RAPGEF4: variants seen among roughly 807,000 people sequenced by gnomAD.
RAPGEF4 encodes the protein RAP guanine-nucleotide-exchange factor (GEF) 4.
Under a neutral mutation model 147.9 loss-of-function variants are expected in RAPGEF4, and 66 were observed. The observed-to-expected ratio is 0.45, with a 90% CI of 0.37 to 0.55. RAPGEF4 has a LOEUF of 0.55. RAPGEF4 is among the 20% of genes least tolerant of loss of function. RAPGEF4 has a pLI of 0.00. For synonymous variants in RAPGEF4, 419 were observed against 442.7 expected (o/e 0.95, Z 0.67); for missense variants, 1,071 against 1,257.3 (o/e 0.85, Z 2.24).
At position 173,027,648 on chromosome 2, in the gene RAPGEF4, T is replaced by A. The variant is rs532901376; in HGVS notation, c.2558+389T>A. ...ACACATTCTCACCAGTAGAGGGCAG[T>A]GCAGCATGCATGTACAGCAGCACAT... On this transcript the variant is annotated intron_variant, in intron 25 of 30. Transcript: ENST00000397081. 2.0e-5 allele frequency among the ~76,000 whole-genome samples: 3 copies of A among 152,350 alleles called. No homozygotes were observed. The East Asian group carries it at 5.8e-4, about 29-fold the overall frequency.
intron 17 of RAPGEF4, among the ~76,000 whole-genome samples, chr2:173,002,760 G>T (rs966429488): frequency 6.6e-6 from 1 of 151,812 alleles, no homozygotes; most frequent in Non-Finnish European, 1.5e-5. Flanking sequence ...CAGGAGATTT[G>T]AGTTGAAGGT....
intron 6 of RAPGEF4, among the ~76,000 whole-genome samples, chr2:172,959,101 C>T (rs1484697788): frequency 6.6e-6 from 1 of 152,168 alleles, no homozygotes; most frequent in Admixed American, 6.5e-5. Flanking sequence ...CATCAGTTTT[C>T]CATGACTGCT....
intron 12 of RAPGEF4, among the ~76,000 whole-genome samples, chr2:172,986,945 G>A (rs577486847): frequency 9.2e-5 from 14 of 152,236 alleles, no homozygotes; most frequent in South Asian, 8.3e-4. Context: ...TGATCTGCCC[G>A]CCGTGGCCTC....
At chr2:172,804,429 G>C (rs566008080) in intron 3 of RAPGEF4, among the ~76,000 whole-genome samples, 1 of 152,296 alleles carries the variant, frequency 6.6e-6, no homozygotes, top group South Asian at 2.1e-4. Flanking sequence ...AGTAGTAACT[G>C]TTCATTTACA....
intron 1 of RAPGEF4, among the ~76,000 whole-genome samples, chr2:172,748,198 G>A (rs1343696182): frequency 6.6e-6 from 1 of 152,126 alleles, no homozygotes; most frequent in Non-Finnish European, 1.5e-5. Flanking sequence ...CCCAGACATG[G>A]GCTTGCTGCA....
intron 1 of RAPGEF4, among the ~76,000 whole-genome samples, chr2:172,753,900 A>ACC (rs1553504818): frequency 3.2e-4 from 48 of 150,774 alleles, no homozygotes; most frequent in Middle Eastern, 3.4e-3. Flanking sequence ...ACACACACAC[A>ACC]CCCGACACAC....
chr2:172,778,004 A>G (rs1044289589), intron 1 of RAPGEF4, among the ~76,000 whole-genome samples: 23 of 152,138 alleles, frequency 1.5e-4, no homozygotes, highest in Admixed American at 1.5e-3. Context: ...AATAAATAAA[A>G]ATTTCTTATA....
chr2:172,815,214 C>T (rs1243086562), intron 4 of RAPGEF4, among the ~76,000 whole-genome samples: 1 of 152,258 alleles, frequency 6.6e-6, no homozygotes, highest in Non-Finnish European at 1.5e-5. Context: ...GGCTTCGCCA[C>T]TGGTCCCAGT....
At chr2:172,760,147 C>T (rs1696164058) in intron 1 of RAPGEF4, among the ~76,000 whole-genome samples, 1 of 152,156 alleles carries the variant, frequency 6.6e-6, no homozygotes, top group Admixed American at 6.5e-5. Context: ...TATGCAAACA[C>T]CACAGAAGAA....
At chr2:172,973,425 A>G (rs1166556538) in intron 10 of RAPGEF4, among the ~76,000 whole-genome samples, 2 of 152,150 alleles carry the variant, frequency 1.3e-5, no homozygotes, top group African/African-American at 4.8e-5. Flanking sequence ...TTTCTTCTTA[A>G]GAGCAGCAAA....
At chr2:172,799,801 A>G (rs1416496262) in intron 3 of RAPGEF4, among the ~76,000 whole-genome samples, 1 of 152,188 alleles carries the variant, frequency 6.6e-6, no homozygotes, top group Non-Finnish European at 1.5e-5. Flanking sequence ...AGAATCAGAA[A>G]AGGAAGAGCA....
rs1696708475 is a variant in RAPGEF4, at chr2:173,026,821, A to G, written c.2379+124A>G. On this transcript the variant is annotated intron_variant, in intron 24 of 30. Coordinates refer to ENST00000397081, the MANE Select transcript of RAPGEF4 (RefSeq NM_007023.4). ...AAACCACATGACCATTTTTTTGCAT[A>G]CTGAGCTTATAAATAAAGCATGCTA... is the stretch of plus-strand genomic sequence containing the variant. The G allele has an allele frequency of 5.3e-6, 7 of 1,321,480 alleles. No homozygotes were observed. In the South Asian group the frequency reaches 5.9e-5, roughly 11 times the overall value. The allele number at this position is 1,321,480 out of a possible 1,614,324, so 81.9% of individuals were successfully genotyped here. A position where few individuals can be genotyped will look rare whatever the true frequency, so the allele number is the denominator to read the frequency against.
chr2:172,927,799 C>T (rs1685523972), intron 6 of RAPGEF4, among the ~76,000 whole-genome samples: 1 of 152,202 alleles, frequency 6.6e-6, no homozygotes, highest in Non-Finnish European at 1.5e-5. Flanking sequence ...CCTATGAAGA[C>T]ACCTTGGCCA....
At chr2:172,973,044 CT>C (rs1690663722) in intron 10 of RAPGEF4, among the ~76,000 whole-genome samples, 1 of 150,232 alleles carries the variant, frequency 6.7e-6, no homozygotes, top group Non-Finnish European at 1.5e-5. Flanking sequence ...TCTGAATGTT[CT>C]TTAATGCATT....
intron 16 of RAPGEF4, 51 bp from the exon 17 acceptor site, chr2:173,001,215 A>G (rs755229432): frequency 8.1e-6 from 13 of 1,609,888 alleles, no homozygotes; most frequent in Non-Finnish European, 1.1e-5. Context: ...TTGCTTTCCT[A>G]AAGATTTCCA....
At chr2:172,765,892 A>G (rs1389947321) in intron 1 of RAPGEF4, among the ~76,000 whole-genome samples, 2 of 152,148 alleles carry the variant, frequency 1.3e-5, no homozygotes, top group Non-Finnish European at 2.9e-5. Flanking sequence ...CTGTATCTTT[A>G]GACTTTGGGT....
At chr2:172,974,589 G>T (rs1690871938) in intron 10 of RAPGEF4, among the ~76,000 whole-genome samples, 1 of 152,128 alleles carries the variant, frequency 6.6e-6, no homozygotes, top group Non-Finnish European at 1.5e-5. Context: ...AGGCTGAGGT[G>T]GGAGAATCAC....
At chr2:173,051,599 A>G (rs763598951) in intron 30 of RAPGEF4, 41 bp from the exon 31 acceptor site, 1 of 1,597,044 alleles carries the variant, frequency 6.3e-7, no homozygotes, top group Non-Finnish European at 8.6e-7. Flanking sequence ...TTATATACAT[A>G]TATTACACAA....
intron 15 of RAPGEF4, among the ~76,000 whole-genome samples, chr2:172,994,211 T>C (rs1280398755): frequency 6.6e-6 from 1 of 152,218 alleles, no homozygotes; most frequent in Non-Finnish European, 1.5e-5. Flanking sequence ...TGTTATGGAA[T>C]GTACATATAC....
Sources: gnomAD v4.1 joint callset for allele counts (sites outside exome capture counted in the v4.1 genomes callset) on GRCh38, gnomAD v4.1.1 for gene constraint, MANE v1.5 for transcripts, NCBI Gene and HGNC (gene_info 2026-07-23, HGNC 2026-07-21) for gene names.